The following ZNF609 variants were observed in gnomAD, a reference collection of about 807,000 sequenced individuals.
ZNF609 encodes zinc finger protein 609.
Under a neutral mutation model 109.5 loss-of-function variants are expected in ZNF609, and 11 were observed. The observed-to-expected ratio is 0.10, with a 90% CI of 0.06 to 0.17. The LOEUF (loss-of-function observed/expected upper bound fraction) is 0.17. Ranked by LOEUF, ZNF609 falls within the 10% of genes least tolerant of loss-of-function variation. The pLI is 1.00. For missense variants in ZNF609, 1,559 were observed against 1,772.4 expected, an observed-to-expected ratio of 0.88 and a Z score of 2.16; for synonymous variants, 646 against 662.0, an observed-to-expected ratio of 0.98 and a Z score of 0.37.
In ZNF609 at chr15:64,674,549, T is replaced by G. The variant is rs1268047334; in HGVS notation, c.1695T>G (p.Ala565=). ...GTTCCTTGTCCCCTGCCCGCTCAGC[T>G]ACCCCCAAAGTTCGACTTGTAGAGC... ...QKGSLSPARS[A]TPKVRLVEPH... is the part of the protein sequence containing the mutation. Residue 565 remains alanine, a synonymous_variant, in exon 5 of 10, where the codon GCT becomes GCG. Coordinates refer to ENST00000326648, the MANE Select transcript of ZNF609 (RefSeq NM_015042.2). 1 of 1,613,998 alleles carries G rather than the reference T, an allele frequency of 6.2e-7. No homozygotes were observed. Among genetic ancestry groups the G allele is most frequent in the African/African-American group, 1.3e-5 (1 of 74,876 alleles).
intron 4 of ZNF609, among the ~76,000 whole-genome samples, chr15:64,672,617 T>C: frequency 8.1e-6 from 1 of 123,708 alleles, no homozygotes; most frequent in Admixed American, 8.6e-5. Flanking sequence ...AGAGCAACAC[T>C]CCATCTCAAA....
Position 64,674,669 on chromosome 15 carries a change from C to A in ZNF609, c.1815C>A (p.Ser605=). The A allele has an allele frequency of 6.2e-7, 1 of 1,614,110 alleles. No homozygotes were observed. Among genetic ancestry groups the A allele is most frequent in the Non-Finnish European group, 8.5e-7 (1 of 1,180,032 alleles). ...GEGDTDLGAL[S]NDGSDDGPSV... ...GGGACACAGACCTTGGGGCCTTATC[C>A]AATGATGGCTCTGATGATGGACCCT... Residue 605 remains serine (S), a synonymous_variant, in exon 5 of 10, where the codon TCC becomes TCA. Coordinates refer to ENST00000326648, the MANE Select transcript of ZNF609 (RefSeq NM_015042.2).
chr15:64,587,082 A>C (rs1022446244), intron 2 of ZNF609, among the ~76,000 whole-genome samples: 1 of 152,246 alleles, frequency 6.6e-6, no homozygotes, highest in African/African-American at 2.4e-5. Context: ...ATATTTTAGG[A>C]GAGGCTACTC....
rs4776524 is a variant in ZNF609 at position 64,476,719 on chromosome 15, G to A, written c.-128+15881G>A. On this transcript the variant is annotated intron_variant, in intron 1 of 9. Transcript: ENST00000326648. The stretch of plus-strand genomic sequence containing the variant: ...TCAGTCTTGTCTGGAAGACAGCAGG[G>A]GTGGAACTAGAGACCTTCTAACCCA... Among the ~76,000 whole-genome samples, 1,353 of 152,294 alleles carry A rather than the reference G, an allele frequency of 8.9e-3. 9 individuals carry two copies. Among genetic ancestry groups the A allele is most frequent in the Middle Eastern group, 0.024 (7 of 294 alleles).
intron 3 of ZNF609, among the ~76,000 whole-genome samples, chr15:64,634,836 G>C (rs1210277160): frequency 1.3e-5 from 2 of 152,096 alleles, no homozygotes; most frequent in African/African-American, 4.8e-5. Context: ...GGCAACAGCA[G>C]CCACACAAAG....
At chr15:64,574,513 G>A (rs373717518) in intron 2 of ZNF609, among the ~76,000 whole-genome samples, 1 of 152,092 alleles carries the variant, frequency 6.6e-6, no homozygotes, top group African/African-American at 2.4e-5. Flanking sequence ...TCTTCCCTTT[G>A]TTGGTGGCTA....
chr15:64,631,159 C>A (rs1896068808), intron 3 of ZNF609: 1 of 604,190 alleles, frequency 1.7e-6, no homozygotes, highest in East Asian at 3.8e-5. Flanking sequence ...GGCTCCTTCC[C>A]ATTGGTTCTC....
At chr15:64,637,588 G>C (rs1474288332) in intron 3 of ZNF609, among the ~76,000 whole-genome samples, 1 of 152,136 alleles carries the variant, frequency 6.6e-6, no homozygotes, top group Non-Finnish European at 1.5e-5. Flanking sequence ...CTGGTGGTGT[G>C]TAGTGGTATC....
intron 2 of ZNF609, among the ~76,000 whole-genome samples, chr15:64,558,371 T>C (rs1032852544): frequency 6.6e-6 from 1 of 152,210 alleles, no homozygotes; most frequent in Non-Finnish European, 1.5e-5. Flanking sequence ...TTTCCTCATC[T>C]ATACAATGTG....
intron 4 of ZNF609, among the ~76,000 whole-genome samples, chr15:64,672,912 C>T (rs1412299941): frequency 8.2e-5 from 12 of 145,630 alleles, no homozygotes; most frequent in African/African-American, 3.1e-4. Context: ...TACAGTGAGC[C>T]GAGATCGTGC....
intron 2 of ZNF609, among the ~76,000 whole-genome samples, chr15:64,521,835 G>C (rs1191501872): frequency 6.6e-6 from 1 of 152,208 alleles, no homozygotes; most frequent in African/African-American, 2.4e-5. Flanking sequence ...AAGAGGTGCA[G>C]CTGTGCCACT....
intron 2 of ZNF609, among the ~76,000 whole-genome samples, chr15:64,579,166 T>G (rs1895051387): frequency 6.6e-6 from 1 of 152,168 alleles, no homozygotes; most frequent in East Asian, 1.9e-4. Flanking sequence ...GTTAAATAGA[T>G]ATGTTCTATT....
chr15:64,539,442 C>T (rs969427519), intron 2 of ZNF609, among the ~76,000 whole-genome samples: 13 of 151,824 alleles, frequency 8.6e-5, no homozygotes, highest in Admixed American at 4.6e-4. Context: ...CTCCTGACCG[C>T]GTGATCCACC....
chr15:64,651,473 G>A (rs1188225874), intron 3 of ZNF609, among the ~76,000 whole-genome samples: 1 of 152,166 alleles, frequency 6.6e-6, no homozygotes, highest in Admixed American at 6.5e-5. Flanking sequence ...TTCCTAAAAA[G>A]GTGACTCTAG....
intron 2 of ZNF609, among the ~76,000 whole-genome samples, chr15:64,563,039 G>A (rs531885619): frequency 6.6e-6 from 1 of 152,108 alleles, no homozygotes; most frequent in Non-Finnish European, 1.5e-5. Context: ...AGCTACTTGG[G>A]AGGCTGAAGT....
chr15:64,521,808 G>C (rs1376155001), intron 2 of ZNF609, among the ~76,000 whole-genome samples: 1 of 152,126 alleles, frequency 6.6e-6, no homozygotes, highest in Non-Finnish European at 1.5e-5. Context: ...AAAAGGAAGA[G>C]GAATATTGGT....
At chr15:64,649,840 A>G (rs764415090) in intron 3 of ZNF609, among the ~76,000 whole-genome samples, 4 of 152,208 alleles carry the variant, frequency 2.6e-5, no homozygotes, top group Non-Finnish European at 5.9e-5. Context: ...TAGTTCTGCT[A>G]CCTTGAGGCA....
chr15:64,577,924 G>A (rs188085974), intron 2 of ZNF609, among the ~76,000 whole-genome samples: 1 of 151,756 alleles, frequency 6.6e-6, no homozygotes, highest in Non-Finnish European at 1.5e-5. Flanking sequence ...GGAGGTCAAG[G>A]TGGGAGGATT....
At chr15:64,571,835 A>T (rs1894863823) in intron 2 of ZNF609, among the ~76,000 whole-genome samples, 1 of 152,054 alleles carries the variant, frequency 6.6e-6, no homozygotes, top group African/African-American at 2.4e-5. Flanking sequence ...ACGCCTGGAT[A>T]ATTTTTGTAT....
Sources: gnomAD v4.1 joint callset for allele counts (sites outside exome capture counted in the v4.1 genomes callset) on GRCh38, gnomAD v4.1.1 for gene constraint, MANE v1.5 for transcripts, NCBI Gene and HGNC (gene_info 2026-07-23, HGNC 2026-07-21) for gene names.